The following GRIA1 variants were observed in gnomAD, a reference collection of about 807,000 sequenced individuals.
GRIA1 encodes the protein glutamate receptor 1.
Under a neutral mutation model 99.2 loss-of-function variants are expected in GRIA1, and 31 were observed. That is an observed-to-expected ratio of 0.31 (90% CI 0.23 to 0.42). GRIA1 has a LOEUF of 0.42. Among genes scored for constraint, GRIA1 ranks in the 10% least tolerant of loss-of-function variants. The pLI is 1.00. For missense variants in GRIA1, 782 were observed against 1,157.5 expected (o/e 0.68, Z 4.71); for synonymous variants, 438 against 432.4 (o/e 1.01, Z -0.16).
At chr5:153,621,702 A>G (rs998047086) in intron 2 of GRIA1, among the ~76,000 whole-genome samples, 2 of 152,148 alleles carry the variant, frequency 1.3e-5, no homozygotes, top group Non-Finnish European at 2.9e-5. Context: ...AAAAGAATCA[A>G]ATGTGATAAT....
At chr5:153,512,815 G>T (rs538203949) in intron 2 of GRIA1, among the ~76,000 whole-genome samples, 1 of 152,240 alleles carries the variant, frequency 6.6e-6, no homozygotes, top group South Asian at 2.1e-4. Context: ...ATTTAATTGT[G>T]CCCTCCCAAA....
At chr5:153,528,782 A>G (rs1757840595) in intron 2 of GRIA1, among the ~76,000 whole-genome samples, 1 of 152,100 alleles carries the variant, frequency 6.6e-6, no homozygotes, top group African/African-American at 2.4e-5. Context: ...ATTCTCCTAT[A>G]TGCCTTCTTC....
intron 2 of GRIA1, among the ~76,000 whole-genome samples, chr5:153,622,423 C>T (rs1403711041): frequency 1.3e-5 from 2 of 152,168 alleles, no homozygotes; most frequent in South Asian, 2.1e-4. Flanking sequence ...TGACCCAAAA[C>T]ATAATCAAAT....
intron 2 of GRIA1, among the ~76,000 whole-genome samples, chr5:153,601,391 T>C (rs965260559): frequency 6.6e-6 from 1 of 152,242 alleles, no homozygotes. Flanking sequence ...AAAGAGACTT[T>C]TTTTAATATC....
intron 2 of GRIA1, among the ~76,000 whole-genome samples, chr5:153,565,409 A>G (rs529723205): frequency 9.3e-4 from 141 of 152,340 alleles, no homozygotes; most frequent in Middle Eastern, 3.4e-3. Context: ...GTAAAATAGC[A>G]ATTTCTATAG....
At chr5:153,803,696 A>G (rs756179582) in intron 15 of GRIA1, among the ~76,000 whole-genome samples, 21 of 152,152 alleles carry the variant, frequency 1.4e-4, no homozygotes, top group Admixed American at 6.5e-4. Context: ...TGATTTGACA[A>G]GACTAACAAG....
intron 2 of GRIA1, among the ~76,000 whole-genome samples, chr5:153,499,228 T>C (rs1016137204): frequency 6.6e-6 from 1 of 152,190 alleles, no homozygotes. Context: ...AGAGATTGTG[T>C]CTTCTTTATA....
chr5:153,643,737 C>T (rs1398099348), intron 2 of GRIA1, among the ~76,000 whole-genome samples: 1 of 152,166 alleles, frequency 6.6e-6, no homozygotes, highest in Non-Finnish European at 1.5e-5. Flanking sequence ...GTAAATGCAC[C>T]CTCTTAGCCT....
intron 4 of GRIA1, among the ~76,000 whole-genome samples, chr5:153,651,891 G>T (rs1184000331): frequency 6.6e-6 from 1 of 152,190 alleles, no homozygotes; most frequent in Non-Finnish European, 1.5e-5. Flanking sequence ...AGACTGGCTA[G>T]GGTTCAAATC....
At chr5:153,659,858 G>A (rs1755227809) in intron 5 of GRIA1, among the ~76,000 whole-genome samples, 2 of 152,204 alleles carry the variant, frequency 1.3e-5, no homozygotes, top group East Asian at 1.9e-4. Flanking sequence ...TATTGAATTT[G>A]TTGGACAACA....
intron 2 of GRIA1, among the ~76,000 whole-genome samples, chr5:153,552,105 G>T (rs1442105354): frequency 6.6e-6 from 1 of 152,060 alleles, no homozygotes; most frequent in Non-Finnish European, 1.5e-5. Context: ...TCCCAAACTG[G>T]TGTTCTATGG....
In GRIA1 at chr5:153,736,307, A is replaced by C. The variant is rs184810162; in HGVS notation, c.1824-28127A>C. ...TATAAAGAGACTGAACTCAAATTCC[A>C]ATGCCTTTTTATCAAAATGCATATG... On this transcript the variant is annotated intron_variant, in intron 11 of 15. Transcript: ENST00000285900. Among the ~76,000 whole-genome samples, 1,296 of 149,508 alleles carry C rather than the reference A, an allele frequency of 8.7e-3. 7 individuals carry two copies. The highest frequency in any genetic ancestry group is 0.014 in the South Asian group (67 of 4,822).
chr5:153,739,806 T>C (rs1047716789), intron 11 of GRIA1, among the ~76,000 whole-genome samples: 1 of 152,220 alleles, frequency 6.6e-6, no homozygotes, highest in African/African-American at 2.4e-5. Context: ...ATGATATCTC[T>C]GGAAAATTCT....
chr5:153,683,860 G>A (rs1757159438), intron 7 of GRIA1, among the ~76,000 whole-genome samples: 1 of 152,180 alleles, frequency 6.6e-6, no homozygotes, highest in African/African-American at 2.4e-5. Context: ...AAACTAAGAA[G>A]CAGATAGTTT....
At chr5:153,640,212 T>C (rs1487863873) in intron 2 of GRIA1, among the ~76,000 whole-genome samples, 1 of 152,216 alleles carries the variant, frequency 6.6e-6, no homozygotes, top group Non-Finnish European at 1.5e-5. Flanking sequence ...TTTCAATGCC[T>C]AGTAATTAAG....
intron 2 of GRIA1, among the ~76,000 whole-genome samples, chr5:153,611,753 G>C (rs2149410054): frequency 6.6e-6 from 1 of 152,336 alleles, no homozygotes; most frequent in East Asian, 1.9e-4. Flanking sequence ...TAAGTTGAAA[G>C]AAGATCTGGA....
At chr5:153,616,039 C>T (rs1766466523) in intron 2 of GRIA1, among the ~76,000 whole-genome samples, 1 of 152,086 alleles carries the variant, frequency 6.6e-6, no homozygotes, top group South Asian at 2.1e-4. Context: ...GCAACATTAC[C>T]CAGTCTCTCC....
chr5:153,583,407 CCTTCCTTGACT>C (rs1763214488), intron 2 of GRIA1, among the ~76,000 whole-genome samples: 1 of 152,112 alleles, frequency 6.6e-6, no homozygotes, highest in African/African-American at 2.4e-5. Flanking sequence ...AAGTGAGAAT[CCTTCCTTGACT>C]CTTCCTAGCT....
intron 2 of GRIA1, among the ~76,000 whole-genome samples, chr5:153,546,635 G>T (rs899951042): frequency 6.6e-6 from 1 of 152,132 alleles, no homozygotes; most frequent in Non-Finnish European, 1.5e-5. Flanking sequence ...TGAGAGTCAG[G>T]TTTGATAATT....
Sources: allele counts gnomAD v4.1 joint callset (sites outside exome capture counted in the v4.1 genomes callset), GRCh38; gene constraint gnomAD v4.1.1; transcripts MANE v1.5; gene names NCBI Gene and HGNC (gene_info 2026-07-23, HGNC 2026-07-21).